Variants in NRXN1 observed in about 807,000 individuals in gnomAD.
NRXN1 encodes neurexin 1, also known as neurexin-1.
A neutral mutation model predicts 150.9 loss-of-function variants in NRXN1; 39 were observed. The ratio of observed to expected loss-of-function variants is 0.26; its 90% CI spans 0.20 to 0.34. The LOEUF is 0.34. Ranked by LOEUF, NRXN1 falls within the 10% of genes least tolerant of loss-of-function variation. NRXN1 has a pLI of 1.00. For synonymous variants in NRXN1, 924 were observed against 757.0 expected (o/e 1.22, Z -3.62); for missense variants, 1,815 against 1,949.9 (o/e 0.93, Z 1.30).
At chr2:50,128,572 C>T (rs890606032) in intron 18 of NRXN1, among the ~76,000 whole-genome samples, 1 of 152,030 alleles carries the variant, frequency 6.6e-6, no homozygotes, top group Non-Finnish European at 1.5e-5. Flanking sequence ...AACGATCTCC[C>T]AGTATAAAAT....
chr2:50,966,482 G>A (rs1694106310), intron 2 of NRXN1, among the ~76,000 whole-genome samples: 1 of 151,736 alleles, frequency 6.6e-6, no homozygotes, highest in Non-Finnish European at 1.5e-5. Context: ...TAGGCATGAT[G>A]AGGAAAAGGT....
At chr2:50,713,305 C>G (rs917925687) in intron 5 of NRXN1, among the ~76,000 whole-genome samples, 4 of 131,418 alleles carry the variant, frequency 3.0e-5, no homozygotes, top group Non-Finnish European at 4.7e-5. Flanking sequence ...CAGAGTGAGA[C>G]TCTGTCTCAA....
At chr2:50,724,609 C>T (rs776551392) in intron 5 of NRXN1, among the ~76,000 whole-genome samples, 44 of 151,988 alleles carry the variant, frequency 2.9e-4, no homozygotes, top group Non-Finnish European at 3.8e-4. Flanking sequence ...AAAACATTAG[C>T]TGGCTAGCTA....
In NRXN1 at chr2:50,885,160, T is replaced by C. The variant is rs61021158; in HGVS notation, c.832+36709A>G. On this transcript the variant is annotated intron_variant, in intron 5 of 22. Transcript: ENST00000401669. ...GGTAACACAAAAGGGCTCATCTTTA[T>C]GCAACAGTTTTAGAATATCTATGAT... is the stretch of plus-strand genomic sequence containing the variant. Among the ~76,000 whole-genome samples the C allele has an allele frequency of 4.2e-3, 632 of 151,670 alleles. 7 individuals are homozygous for C. The highest frequency in any genetic ancestry group is 0.015 in the African/African-American group (611 of 41,508).
At chr2:50,917,150 T>A (rs1685325185) in intron 5 of NRXN1, 1 of 151,612 alleles carries the variant, frequency 6.6e-6, no homozygotes, top group Non-Finnish European at 1.5e-5. Flanking sequence ...TTTAAACAAA[T>A]ATTCTTACTT....
intron 15 of NRXN1, among the ~76,000 whole-genome samples, chr2:50,474,839 C>CCCCAAAAAAAAAAAAAAA (rs1558795095): frequency 1.8e-5 from 2 of 108,852 alleles, no homozygotes; most frequent in Admixed American, 2.1e-4. Context: ...GCCCCCCTAC[C>CCCCAAAAAAAAAAAAAAA]AAAAAAAAAA....
At chr2:50,930,330 G>C (rs1405777535) in intron 2 of NRXN1, among the ~76,000 whole-genome samples, 2 of 152,030 alleles carry the variant, frequency 1.3e-5, no homozygotes, top group Non-Finnish European at 2.9e-5. Context: ...AAAGACATTT[G>C]TGGTATTTAA....
At chr2:50,834,926 C>A (rs1338655711) in intron 5 of NRXN1, among the ~76,000 whole-genome samples, 1 of 152,154 alleles carries the variant, frequency 6.6e-6, no homozygotes, top group Non-Finnish European at 1.5e-5. Context: ...CAGTCAGTGT[C>A]TTCTTAGCCT....
chr2:50,788,129 C>T (rs1705394684), intron 5 of NRXN1, among the ~76,000 whole-genome samples: 1 of 151,654 alleles, frequency 6.6e-6, no homozygotes, highest in Non-Finnish European at 1.5e-5. Flanking sequence ...CTCTGTCGCC[C>T]AGGCTGGAGT....
intron 22 of NRXN1, among the ~76,000 whole-genome samples, chr2:49,943,019 C>G (rs1672278760): frequency 1.3e-5 from 2 of 152,014 alleles, no homozygotes; most frequent in Non-Finnish European, 2.9e-5. Context: ...GGAATCAAAT[C>G]TAGGCTATGA....
chr2:50,769,557 C>A (rs1702763222), intron 5 of NRXN1, among the ~76,000 whole-genome samples: 1 of 152,000 alleles, frequency 6.6e-6, no homozygotes, highest in Non-Finnish European at 1.5e-5. Context: ...TTTCTCACCC[C>A]TCTGCAGAAT....
At chr2:50,700,345 G>A (rs991128030) in intron 5 of NRXN1, among the ~76,000 whole-genome samples, 6 of 152,150 alleles carry the variant, frequency 3.9e-5, no homozygotes, top group African/African-American at 1.4e-4. Context: ...TAATTTCTAT[G>A]ACATCTGTAT....
intron 22 of NRXN1, among the ~76,000 whole-genome samples, chr2:49,940,026 T>C (rs1671701015): frequency 6.6e-6 from 1 of 152,154 alleles, no homozygotes; most frequent in Non-Finnish European, 1.5e-5. Context: ...ATTTTTCCTG[T>C]TTCTTCCATT....
chr2:50,574,632 C>G (rs1671124774), intron 8 of NRXN1, among the ~76,000 whole-genome samples: 1 of 152,068 alleles, frequency 6.6e-6, no homozygotes, highest in African/African-American at 2.4e-5. Context: ...TTAACTTCAC[C>G]CAAGATCACT....
At chr2:50,444,262 C>T (rs1438002517) in intron 17 of NRXN1, among the ~76,000 whole-genome samples, 2 of 152,092 alleles carry the variant, frequency 1.3e-5, no homozygotes, top group Non-Finnish European at 2.9e-5. Context: ...AATAAATATA[C>T]ATAAAAGTAA....
chr2:50,779,629 G>A lies in NRXN1; in HGVS notation c.832+142240C>T, dbSNP rs553200744. On this transcript the variant is annotated intron_variant, in intron 5 of 22. Transcript: ENST00000401669. Reference sequence around the variant, plus strand: ...TAAAAATACAAAAAATTAGCTGGGCGTGGTGGCGGGTGCCTGTAGTCCCAG... The same window carrying A: ...TAAAAATACAAAAAATTAGCTGGGCATGGTGGCGGGTGCCTGTAGTCCCAG... Among the ~76,000 whole-genome samples the A allele has an allele frequency of 3.0e-3, 455 of 152,130 alleles. 2 individuals carry two copies. Among genetic ancestry groups the A allele is most frequent in the Admixed American group, 3.7e-3 (57 of 15,266 alleles).
intron 19 of NRXN1, among the ~76,000 whole-genome samples, chr2:50,086,821 T>A (rs368777712): frequency 4.2e-5 from 6 of 142,718 alleles, no homozygotes; most frequent in African/African-American, 1.0e-4. Context: ...CAGAGAAGAA[T>A]GAGAGAGAGA....
rs533563060 is a variant in NRXN1 at position 50,300,829 on chromosome 2, G to A, written c.3365-63859C>T. Among the ~76,000 whole-genome samples the A allele has an allele frequency of 1.1e-3, 164 of 152,204 alleles. 1 individual carries two copies. Among genetic ancestry groups the A allele is most frequent in the African/African-American group, 3.8e-3 (159 of 41,514 alleles). ...TCCTGCCTCAGCCTCCTGAGTAGCC[G>A]GGATTACAGGCGCCTGGCACCACGC... is the stretch of plus-strand genomic sequence containing the variant. On this transcript the variant is annotated intron_variant, in intron 17 of 22. Coordinates refer to ENST00000401669, the MANE Select transcript of NRXN1 (RefSeq NM_001330078.2).
intron 19 of NRXN1, among the ~76,000 whole-genome samples, chr2:50,070,013 C>T (rs1013875366): frequency 6.6e-6 from 1 of 151,740 alleles, no homozygotes; most frequent in Admixed American, 6.6e-5. Flanking sequence ...ACCACACCCA[C>T]CTAATTTTTT....
Sources: gnomAD v4.1 joint callset for allele counts (sites outside exome capture counted in the v4.1 genomes callset) on GRCh38, gnomAD v4.1.1 for gene constraint, MANE v1.5 for transcripts, NCBI Gene and HGNC (gene_info 2026-07-23, HGNC 2026-07-21) for gene names.